The following PARP4 variants were observed in gnomAD, a reference collection of about 807,000 sequenced individuals.
PARP4 encodes protein mono-ADP-ribosyltransferase PARP4.
In PARP4, 120 loss-of-function variants were observed where a neutral mutation model predicts 187.7. The observed-to-expected ratio is 0.64, with a 90% CI of 0.55 to 0.74. The LOEUF (loss-of-function observed/expected upper bound fraction) is 0.74, where lower values mean the gene tolerates loss of function less well. PARP4 is among the 30% of genes least tolerant of loss of function. The pLI, the probability that PARP4 is intolerant of heterozygous loss-of-function variation, is 0.00. For missense variants in PARP4, 1,836 were observed against 2,070.5 expected, an observed-to-expected ratio of 0.89 and a Z score of 2.20; for synonymous variants, 654 against 740.9, an observed-to-expected ratio of 0.88 and a Z score of 1.90.
rs958923466 is a variant in PARP4, at chr13:24,459,112, T to C, written c.2356A>G (p.Thr786Ala). The C allele has an allele frequency of 1.6e-5, 26 of 1,606,616 alleles. No homozygotes were observed. Among genetic ancestry groups the C allele is most frequent in the Non-Finnish European group, 2.0e-5 (23 of 1,175,418 alleles). The change falls in exon 20 of 34, where the codon ACT becomes GCT. Residue 786 changes from threonine (T) to alanine (A), a missense_variant. By Grantham distance (58) the Thr-to-Ala change is moderately conservative (BLOSUM62 0). Transcript: ENST00000381989. Reference sequence around the variant, plus strand: ...ACATACGGCATCTCAATAGACATAGTCAAAGAGAAGCTAGCAAAAATGAAG... The same window carrying C: ...ACATACGGCATCTCAATAGACATAGCCAAAGAGAAGCTAGCAAAAATGAAG... ...EIGTKQSFSLTMSIEMPYVIE... is the reference protein window; with the variant it reads ...EIGTKQSFSLAMSIEMPYVIE...
chr13:24,459,195 C>A lies in PARP4; in HGVS notation c.2345+69G>T, dbSNP rs1008582281. On this transcript the variant is annotated intron_variant, in intron 19 of 33. Transcript: ENST00000381989. ...CTATCTGAAATTATTTCAAACAATT[C>A]TAAATGGAAATTTAAACCAGAAAAC... 1.9e-6 allele frequency: 3 copies of A among 1,581,134 alleles called. No homozygotes were observed. The African/African-American group carries it at 4.1e-5, about 22-fold the overall frequency.
chr13:24,474,284 C>T (rs1004550126), intron 15 of PARP4, among the ~76,000 whole-genome samples: 13 of 151,358 alleles, frequency 8.6e-5, no homozygotes, highest in African/African-American at 3.2e-4. Flanking sequence ...ACCTTCTTCT[C>T]CACATCACCA....
chr13:24,433,028 C>G (rs1009722817), intron 31 of PARP4, among the ~76,000 whole-genome samples: 1 of 152,108 alleles, frequency 6.6e-6, no homozygotes, highest in African/African-American at 2.4e-5. Flanking sequence ...TATGTTTAGC[C>G]ACTTCCTGTG....
intron 15 of PARP4, among the ~76,000 whole-genome samples, chr13:24,473,033 C>G (rs1872799179): frequency 6.6e-6 from 1 of 151,872 alleles, no homozygotes; most frequent in Non-Finnish European, 1.5e-5. Flanking sequence ...TAATGGCAAG[C>G]CATCCTCCCA....
chr13:24,476,812 A>G (rs1198551884), intron 14 of PARP4, among the ~76,000 whole-genome samples: 1 of 152,208 alleles, frequency 6.6e-6, no homozygotes, highest in Non-Finnish European at 1.5e-5. Context: ...GTATGCTCGC[A>G]CTACTATGGC....
intron 1 of PARP4, among the ~76,000 whole-genome samples, chr13:24,507,156 C>T (rs531829219): frequency 1.1e-3 from 166 of 152,328 alleles, no homozygotes; most frequent in Middle Eastern, 6.8e-3. Context: ...CCGCAAGCGC[C>T]GCGCACAGCC....
At chr13:24,493,974 G>C (rs1868806317) in intron 7 of PARP4, among the ~76,000 whole-genome samples, 1 of 151,790 alleles carries the variant, frequency 6.6e-6, no homozygotes, top group South Asian at 2.1e-4. Flanking sequence ...CCTTCACCCT[G>C]TAAGCTCTAG....
At position 24,455,095 on chromosome 13, in the gene PARP4, G is replaced by C. The variant is rs1394464754; in HGVS notation, c.2680C>G (p.Gln894Glu). The C allele has an allele frequency of 1.2e-6, 2 of 1,613,404 alleles. No individual in the cohort carries two copies. Among genetic ancestry groups the C allele is most frequent in the African/African-American group, 1.3e-5 (1 of 75,004 alleles). ...SSSMEGVTFL[Q>E]AKQIALHALS... ...GCATGCAAGGCGATTTGCTTGGCTT[G>C]CAAGAATGTCACACCCTCCATGGAA... The change falls in exon 22 of 34, where the codon CAA (glutamine) becomes GAA (glutamate). Residue 894 changes from glutamine to glutamate, a missense_variant. Gln to Glu is a conservative substitution (Grantham distance 29). Coordinates refer to ENST00000381989, the MANE Select transcript of PARP4 (RefSeq NM_006437.4).
intron 32 of PARP4, among the ~76,000 whole-genome samples, chr13:24,429,496 G>A (rs1338814131): frequency 6.6e-6 from 1 of 152,210 alleles, no homozygotes; most frequent in African/African-American, 2.4e-5. Flanking sequence ...TGTAGGCTTT[G>A]TTTTAGGCTT....
intron 17 of PARP4, among the ~76,000 whole-genome samples, chr13:24,463,270 T>G (rs1169902456): frequency 1.3e-5 from 2 of 152,140 alleles, no homozygotes; most frequent in African/African-American, 2.4e-5. Context: ...AACTGTCACC[T>G]AGAATCCCAT....
chr13:24,426,805 C>T (rs7324106), intron 32 of PARP4, among the ~76,000 whole-genome samples: 63,797 of 146,078 alleles, frequency 0.44, 14,377 homozygotes, highest in African/African-American at 0.58. Flanking sequence ...GGCAGGAGAA[C>T]GGCGTGAACC....
rs558098513 is a variant in PARP4, at chr13:24,441,858, G to A, written c.3654C>T (p.Ala1218=). Residue 1218 remains alanine, a synonymous_variant, in exon 30 of 34, where the codon GCC becomes GCT. Transcript: ENST00000381989. The part of the protein sequence containing the change: ...YMSWQGEPQE[A]VRNQSLLASS... ...AATCAGCATTTACCTGGTTCCTGAC[G>A]GCTTCTTGGGGCTCCCCCTGCCAGC... is the stretch of plus-strand genomic sequence containing the variant. 19 of 1,595,538 alleles carry A rather than the reference G, an allele frequency of 1.2e-5. No homozygotes were observed. Among genetic ancestry groups the A allele is most frequent in the East Asian group, 2.3e-5 (1 of 44,418 alleles).
intron 1 of PARP4, among the ~76,000 whole-genome samples, chr13:24,508,002 G>A (rs1171102905): frequency 6.6e-6 from 1 of 152,164 alleles, no homozygotes; most frequent in Non-Finnish European, 1.5e-5. Context: ...GTCTCTTGAT[G>A]TAATTCTGCC....
At chr13:24,478,036 A>C in intron 13 of PARP4, 57 bp downstream of exon 13, 1 of 1,346,452 alleles carries the variant, frequency 7.4e-7, no homozygotes, top group South Asian at 1.5e-5. Flanking sequence ...GCAAAAAACT[A>C]AGGCCTTTCT....
rs552645580 is a variant in PARP4 at position 24,430,074 on chromosome 13, G to T, written c.4846+1303C>A. Among the ~76,000 whole-genome samples, 5 of 152,280 alleles carry T rather than the reference G, an allele frequency of 3.3e-5. No individual in the cohort carries two copies. In the South Asian group the frequency reaches 1.0e-3, roughly 32 times the overall value. On this transcript the variant is annotated intron_variant, in intron 32 of 33. Transcript: ENST00000381989. Reference sequence around the variant, plus strand: ...ATTATTCTCCTGGCCTTCAAAGAATGGTTTTAAATATTTTATTCAAAGTTA... The same window carrying T: ...ATTATTCTCCTGGCCTTCAAAGAATTGTTTTAAATATTTTATTCAAAGTTA...
chr13:24,479,907 A>G (rs1159547529), intron 12 of PARP4, among the ~76,000 whole-genome samples: 1 of 151,748 alleles, frequency 6.6e-6, no homozygotes, highest in Non-Finnish European at 1.5e-5. Flanking sequence ...CTGCAGCTTC[A>G]CTCCTGAAGC....
At chr13:24,450,726 A>G (rs1871467697) in intron 24 of PARP4, among the ~76,000 whole-genome samples, 1 of 152,154 alleles carries the variant, frequency 6.6e-6, no homozygotes, top group Non-Finnish European at 1.5e-5. Flanking sequence ...TGAGGGAGAA[A>G]CACTTAGAAA....
chr13:24,448,957 C>T (rs547350548), intron 25 of PARP4, among the ~76,000 whole-genome samples: 2 of 152,244 alleles, frequency 1.3e-5, no homozygotes, highest in South Asian at 2.1e-4. Context: ...GGTTAGCAGG[C>T]GCTGGGTGTA....
chr13:24,455,498 T>TC (rs1593609503), intron 21 of PARP4, among the ~76,000 whole-genome samples: 3 of 139,946 alleles, frequency 2.1e-5, no homozygotes, highest in East Asian at 4.0e-4. Context: ...TATATATATA[T>TC]ATATATATCA....
Sources: allele counts gnomAD v4.1 joint callset (sites outside exome capture counted in the v4.1 genomes callset), GRCh38; gene constraint gnomAD v4.1.1; transcripts MANE v1.5; gene names NCBI Gene and HGNC (gene_info 2026-07-23, HGNC 2026-07-21).